The following DNAH7 variants were observed in gnomAD, a reference collection of about 807,000 sequenced individuals.
DNAH7 encodes dynein axonemal heavy chain 7.
Under a neutral mutation model 444.6 loss-of-function variants are expected in DNAH7, and 397 were observed. The ratio of observed to expected loss-of-function variants is 0.89; its 90% confidence interval spans 0.82 to 0.97. DNAH7 has a LOEUF of 0.97. DNAH7 is among the 50% of genes least tolerant of loss of function. DNAH7 has a pLI of 0.00. For synonymous variants in DNAH7, 1,636 were observed against 1,624.4 expected (o/e 1.01, Z -0.17); for missense variants, 4,902 against 4,800.8 (o/e 1.02, Z -0.62).
At chr2:195,967,719 T>C (rs979744220) in intron 17 of DNAH7, among the ~76,000 whole-genome samples, 7 of 152,232 alleles carry the variant, frequency 4.6e-5, no homozygotes, top group African/African-American at 1.4e-4. Context: ...GTCAGATGTG[T>C]TGGAGCTCCA....
chr2:195,820,203 C>T (rs1014786939), intron 49 of DNAH7, among the ~76,000 whole-genome samples: 1 of 151,902 alleles, frequency 6.6e-6, no homozygotes, highest in East Asian at 1.9e-4. Context: ...GAACAGAAAA[C>T]CAAACACCGC....
At chr2:195,843,738 C>T (rs1391770183) in intron 47 of DNAH7, among the ~76,000 whole-genome samples, 1 of 152,056 alleles carries the variant, frequency 6.6e-6, no homozygotes, top group Non-Finnish European at 1.5e-5. Context: ...ATCCATATGT[C>T]AGGATAATTT....
chr2:196,000,746 G>A lies in DNAH7; in HGVS notation c.1311C>T (p.Val437=). The A allele has an allele frequency of 6.3e-7, 1 of 1,589,842 alleles. No homozygotes were observed. The highest frequency in any genetic ancestry group is 8.6e-7 in the Non-Finnish European group (1 of 1,168,282). The change falls in exon 12 of 65, where the codon GTC becomes GTT. Residue 437 remains valine (V), a synonymous_variant. Transcript: ENST00000312428. ...TTGTCTCAACTCTTGGCACAAAACTGACAGCTTTAATCATGACGTCATAAA... is the reference window on the plus strand; with the variant it reads ...TTGTCTCAACTCTTGGCACAAAACTAACAGCTTTAATCATGACGTCATAAA... ...LNVYDVMIKA[V]SFVPRVETKL... is the part of the protein sequence containing the mutation.
At chr2:195,856,048 T>C (rs902918710) in intron 44 of DNAH7, 57 bp from the exon 45 acceptor site, 3 of 1,494,442 alleles carry the variant, frequency 2.0e-6, no homozygotes, top group Non-Finnish European at 2.7e-6. Flanking sequence ...GTACACTTTC[T>C]ATCACTGAAT....
Position 195,858,568 on chromosome 2 carries a change from G to T in DNAH7, c.7973C>A (p.Ser2658Tyr), listed in dbSNP as rs1234074866. ...ATCGCACTCATCTTTGATGGCTTTG[G>T]AAGCCATAGCTTGTTCATTCGCTAT... The part of the protein sequence containing the change: ...ETIANEQAMA[S>Y]KAIKDECDAD... Residue 2658 changes from serine to tyrosine, a missense_variant, in exon 43 of 65, where the codon TCC becomes TAC. By Grantham distance (144) the Ser-to-Tyr change is moderately radical. Coordinates refer to ENST00000312428, the MANE Select transcript of DNAH7 (RefSeq NM_018897.3). 1 of 1,613,928 alleles carries T rather than the reference G, an allele frequency of 6.2e-7. No individual in the cohort carries two copies. The highest frequency in any genetic ancestry group is 1.1e-5 in the South Asian group (1 of 91,076).
At chr2:196,018,168 A>G (rs1695143956) in intron 9 of DNAH7, among the ~76,000 whole-genome samples, 1 of 152,166 alleles carries the variant, frequency 6.6e-6, no homozygotes, top group Admixed American at 6.5e-5. Context: ...AAATTCAAAT[A>G]ACTAACAAAC....
At chr2:195,968,944 C>A (rs745391970) in intron 17 of DNAH7, among the ~76,000 whole-genome samples, 2 of 152,232 alleles carry the variant, frequency 1.3e-5, no homozygotes, top group Non-Finnish European at 2.9e-5. Flanking sequence ...CCAGTCACTA[C>A]GCTGTCCCTC....
chr2:195,864,240 A>G lies in DNAH7; in HGVS notation c.7415T>C (p.Val2472Ala), dbSNP rs1422132851. The stretch of plus-strand genomic sequence containing the variant: ...ATCTCCAATGGGACTCATGGCAAGG[A>G]CCACATGCAGTTGGCTGCGGCAATG... The part of the protein sequence containing the change: ...IDHCRSQLHV[V>A]LAMSPIGDAF... The change falls in exon 41 of 65, where the codon GTC becomes GCC. Residue 2472 changes from valine (V) to alanine (A), a missense_variant. Val to Ala is a moderately conservative substitution (Grantham distance 64, BLOSUM62 0). Coordinates refer to ENST00000312428, the MANE Select transcript of DNAH7 (RefSeq NM_018897.3). The G allele has an allele frequency of 6.2e-7, 1 of 1,614,174 alleles. No homozygotes were observed. Among genetic ancestry groups the G allele is most frequent in the Admixed American group, 1.7e-5 (1 of 60,020 alleles).
chr2:195,897,793 G>A (rs769263641), intron 28 of DNAH7, 28 bp from the exon 29 acceptor site: 12 of 1,312,192 alleles, frequency 9.1e-6, no homozygotes, highest in African/African-American at 1.5e-5. Context: ...AACTCATGAG[G>A]ATATCTGCAT....
At chr2:195,800,503 TAGCAA>T (rs1196680467) in intron 54 of DNAH7, among the ~76,000 whole-genome samples, 2 of 152,194 alleles carry the variant, frequency 1.3e-5, no homozygotes, top group Non-Finnish European at 2.9e-5. Context: ...ATTCAATATA[TAGCAA>T]AGCAAGGAAG....
chr2:195,992,214 C>A (rs1402924677), intron 12 of DNAH7, among the ~76,000 whole-genome samples: 1 of 152,198 alleles, frequency 6.6e-6, no homozygotes, highest in East Asian at 1.9e-4. Flanking sequence ...AAAAAAACCT[C>A]AGTGCATTTC....
intron 51 of DNAH7, among the ~76,000 whole-genome samples, chr2:195,813,251 C>CA: frequency 6.6e-6 from 1 of 152,308 alleles, no homozygotes; most frequent in Non-Finnish European, 1.5e-5. Context: ...ATAAGAGACT[C>CA]AATTCTTTAT....
chr2:195,770,627 A>G (rs1694790252), intron 61 of DNAH7, among the ~76,000 whole-genome samples: 1 of 152,130 alleles, frequency 6.6e-6, no homozygotes, highest in South Asian at 2.1e-4. Context: ...GAGGGACCTG[A>G]CCCAACCTAA....
intron 29 of DNAH7, 65 bp downstream of exon 29, chr2:195,897,602 C>A (rs1702394979): frequency 1.1e-6 from 1 of 932,234 alleles, no homozygotes; most frequent in Non-Finnish European, 1.7e-6. Flanking sequence ...GCTTCACAAC[C>A]TTAGACATGT....
chr2:195,937,203 G>A (rs1397089612), intron 19 of DNAH7, among the ~76,000 whole-genome samples: 1 of 152,078 alleles, frequency 6.6e-6, no homozygotes, highest in Non-Finnish European at 1.5e-5. Flanking sequence ...TTATTGTTAT[G>A]AATAATAATA....
chr2:196,063,206 C>G (rs1698231653), intron 1 of DNAH7: 1 of 152,192 alleles, frequency 6.6e-6, no homozygotes. Context: ...CAGACACTTT[C>G]CTCCTAGGAT....
intron 1 of DNAH7, among the ~76,000 whole-genome samples, chr2:196,060,077 G>A (rs958772816): frequency 9.2e-5 from 14 of 152,134 alleles, no homozygotes; most frequent in African/African-American, 3.4e-4. Flanking sequence ...AATTAGCCGG[G>A]TGTGGTGGCA....
At chr2:195,852,059 C>T (rs1213268352) in intron 46 of DNAH7, among the ~76,000 whole-genome samples, 5 of 152,070 alleles carry the variant, frequency 3.3e-5, no homozygotes, top group Non-Finnish European at 7.4e-5. Context: ...GAGATTGAGA[C>T]CATCCTGGCT....
At chr2:195,951,257 A>C (rs541897326) in intron 19 of DNAH7, among the ~76,000 whole-genome samples, 1 of 152,218 alleles carries the variant, frequency 6.6e-6, no homozygotes, top group Non-Finnish European at 1.5e-5. Context: ...GTTTTGAGTG[A>C]GTTTCTTAAC....
Sources: allele counts gnomAD v4.1 joint callset (sites outside exome capture counted in the v4.1 genomes callset), GRCh38; gene constraint gnomAD v4.1.1; transcripts MANE v1.5; gene names NCBI Gene and HGNC (gene_info 2026-07-23, HGNC 2026-07-21).